Variants in ELMO1 observed in about 807,000 individuals in gnomAD.
ELMO1 encodes engulfment and cell motility 1.
A neutral mutation model predicts 98.9 loss-of-function variants in ELMO1; 26 were observed. The observed-to-expected ratio is 0.26, with a 90% CI of 0.19 to 0.36. ELMO1 has a LOEUF of 0.36. Ranked by LOEUF, ELMO1 falls within the 10% of genes least tolerant of loss-of-function variation. The pLI is 1.00. For synonymous variants in ELMO1, 346 were observed against 346.0 expected (o/e 1.00, Z 0.00); for missense variants, 627 against 935.2 (o/e 0.67, Z 4.30).
intron 15 of ELMO1, among the ~76,000 whole-genome samples, chr7:37,078,335 TCTATAAATCTCTAC>T (rs1268542450): frequency 4.0e-5 from 6 of 151,704 alleles, no homozygotes; most frequent in African/African-American, 1.2e-4. Context: ...TAAATCCCTA[TCTATAAATCTCTAC>T]CTATAAATCT....
At chr7:36,937,439 G>C (rs981971246) in intron 16 of ELMO1, among the ~76,000 whole-genome samples, 1 of 152,198 alleles carries the variant, frequency 6.6e-6, no homozygotes, top group Non-Finnish European at 1.5e-5. Flanking sequence ...ATTTCAGACA[G>C]AGCAAGGCCC....
rs542766362 is a variant in ELMO1 at position 36,943,616 on chromosome 7, ATGAG to A, written c.1438-48603_1438-48600del. 1.9e-4 allele frequency among the ~76,000 whole-genome samples: 29 copies of A among 152,366 alleles called. No individual in the cohort carries two copies. In the South Asian group the frequency reaches 4.3e-3, roughly 23 times the overall value. On this transcript the variant is annotated intron_variant, in intron 16 of 21. Coordinates refer to ENST00000310758, the MANE Select transcript of ELMO1 (RefSeq NM_014800.11). ...CTGCTACGTAAGAAAGTTTGAATGA[ATGAG>A]TAACTGGAATATTTAATGCTTCGAA...
rs182824107 is a variant in ELMO1 at position 36,941,276 on chromosome 7, T to C, written c.1438-46259A>G. On this transcript the variant is annotated intron_variant, in intron 16 of 21. Transcript: ENST00000310758. The stretch of plus-strand genomic sequence containing the variant: ...TTTGCTTTTTATATAGTGTTTGGTA[T>C]TTGCATTATCTACGACAATGTGCCT... Among the ~76,000 whole-genome samples the C allele has an allele frequency of 2.0e-5, 3 of 152,358 alleles. No individual in the cohort carries two copies. In the East Asian group the frequency reaches 5.8e-4, roughly 29 times the overall value.
chr7:37,221,660 A>G (rs1403008169), intron 10 of ELMO1, among the ~76,000 whole-genome samples: 2 of 152,092 alleles, frequency 1.3e-5, no homozygotes, highest in East Asian at 3.9e-4. Context: ...CCATCAGAGG[A>G]AAGGTTCCAT....
chr7:37,023,145 C>T (rs983375033), intron 15 of ELMO1, among the ~76,000 whole-genome samples: 7 of 152,132 alleles, frequency 4.6e-5, no homozygotes, highest in Admixed American at 2.0e-4. Context: ...GAGGGGGCCT[C>T]TGAGGGTTGT....
At chr7:37,042,070 A>T (rs969804443) in intron 15 of ELMO1, among the ~76,000 whole-genome samples, 2 of 151,562 alleles carry the variant, frequency 1.3e-5, no homozygotes, top group Admixed American at 6.6e-5. Flanking sequence ...GGATCACTTG[A>T]GCTCAGGAGT....
At chr7:37,448,587 T>A (rs1027641183) in intron 1 of ELMO1, 88 bp downstream of exon 1, 5 of 149,652 alleles carry the variant, frequency 3.3e-5, no homozygotes, top group Admixed American at 2.6e-4. Flanking sequence ...GCAGGACGCC[T>A]CCTCCCGGCC....
At chr7:37,228,775 G>C (rs1794006278) in intron 8 of ELMO1, among the ~76,000 whole-genome samples, 1 of 152,098 alleles carries the variant, frequency 6.6e-6, no homozygotes, top group Admixed American at 6.5e-5. Context: ...GGCCGAGGCG[G>C]GTGGATCACG....
intron 13 of ELMO1, among the ~76,000 whole-genome samples, chr7:37,188,739 T>C (rs1207564092): frequency 6.6e-6 from 1 of 152,118 alleles, no homozygotes; most frequent in Admixed American, 6.5e-5. Flanking sequence ...GAATATTTTG[T>C]AATATGCATG....
At chr7:37,228,765 G>A (rs1794005371) in intron 8 of ELMO1, among the ~76,000 whole-genome samples, 1 of 152,182 alleles carries the variant, frequency 6.6e-6, no homozygotes, top group African/African-American at 2.4e-5. Flanking sequence ...AACTTTGGGA[G>A]GCCGAGGCGG....
chr7:36,891,482 A>G (rs1300047449), intron 17 of ELMO1, among the ~76,000 whole-genome samples: 1 of 152,164 alleles, frequency 6.6e-6, no homozygotes, highest in East Asian at 1.9e-4. Context: ...TTTCCCATGG[A>G]TTTCTATTGT....
chr7:36,889,409 G>C (rs1158266610), intron 17 of ELMO1, among the ~76,000 whole-genome samples: 2 of 149,906 alleles, frequency 1.3e-5, no homozygotes, highest in East Asian at 3.9e-4. Flanking sequence ...GCACTGAGTG[G>C]AAAAGAAAGT....
chr7:37,176,159 T>C (rs540772719), intron 13 of ELMO1, among the ~76,000 whole-genome samples: 2 of 152,306 alleles, frequency 1.3e-5, no homozygotes, highest in African/African-American at 2.4e-5. Flanking sequence ...GCAAATTAAT[T>C]TCAGAATGAC....
chr7:37,182,280 G>A (rs1205107810), intron 13 of ELMO1, among the ~76,000 whole-genome samples: 3 of 152,096 alleles, frequency 2.0e-5, no homozygotes, highest in African/African-American at 4.8e-5. Flanking sequence ...CGGCAGATAC[G>A]GTAGGGCAGA....
At chr7:37,367,946 A>G (rs1310938297) in intron 1 of ELMO1, among the ~76,000 whole-genome samples, 1 of 152,250 alleles carries the variant, frequency 6.6e-6, no homozygotes, top group Non-Finnish European at 1.5e-5. Flanking sequence ...CCTTTCTGCT[A>G]TCGCCAAACA....
At chr7:36,885,107 G>A (rs1228407001) in intron 18 of ELMO1, among the ~76,000 whole-genome samples, 2 of 152,174 alleles carry the variant, frequency 1.3e-5, no homozygotes, top group Non-Finnish European at 2.9e-5. Context: ...TAAGCACAGA[G>A]CCAGTCACCA....
intron 18 of ELMO1, among the ~76,000 whole-genome samples, chr7:36,884,548 G>A (rs1328105317): frequency 6.6e-6 from 1 of 152,118 alleles, no homozygotes; most frequent in Non-Finnish European, 1.5e-5. Context: ...TAGTGAGTAG[G>A]AACAGGGACT....
At chr7:37,163,544 C>T (rs544803725) in intron 13 of ELMO1, among the ~76,000 whole-genome samples, 1 of 12,524 alleles carries the variant, frequency 8.0e-5, no homozygotes, top group African/African-American at 9.0e-5. Flanking sequence ...CTTCCTGTGT[C>T]CATTGATCTC....
chr7:37,395,367 C>CA (rs59452486), intron 1 of ELMO1, among the ~76,000 whole-genome samples: 2,569 of 66,150 alleles, frequency 0.039, 211 homozygotes, highest in African/African-American at 0.15. Context: ...AACTCCATCT[C>CA]AAAAAAAAAA....
Sources: allele counts gnomAD v4.1 joint callset (sites outside exome capture counted in the v4.1 genomes callset), GRCh38; gene constraint gnomAD v4.1.1; transcripts MANE v1.5; gene names NCBI Gene and HGNC (gene_info 2026-07-23, HGNC 2026-07-21).